The following ZNF804A variants were observed in gnomAD, a reference collection of about 807,000 sequenced individuals.
The protein encoded by ZNF804A is zinc finger protein 804A.
A neutral mutation model predicts 16.5 loss-of-function variants in ZNF804A; 2 were observed. The observed-to-expected ratio is 0.12, with a 90% CI of 0.05 to 0.38. The LOEUF is 0.38. ZNF804A is among the 10% of genes least tolerant of loss of function. The probability of loss-of-function intolerance (pLI) is 0.99; values close to 1 mark genes in which losing one functional copy is unlikely to be tolerated. For synonymous variants in ZNF804A, 534 were observed against 489.6 expected (o/e 1.09, Z -1.20); for missense variants, 1,473 against 1,390.7 (o/e 1.06, Z -0.94).
chr2:184,633,829 G>C lies in ZNF804A; in HGVS notation c.111+34759G>C, dbSNP rs550138888. ...ATTCCCCCAGCCTCCATTGAAATGA[G>C]AGTTTTCTAAGGTCTAAGATCACCC... On this transcript the variant is annotated intron_variant, in intron 1 of 3. Transcript: ENST00000302277. 2.6e-5 allele frequency among the ~76,000 whole-genome samples: 4 copies of C among 152,290 alleles called. No individual in the cohort carries two copies. The East Asian group carries it at 7.7e-4, about 29-fold the overall frequency.
Position 184,830,594 on chromosome 2 carries a change from G to GT in ZNF804A, c.112-35774dup, listed in dbSNP as rs370130030. On this transcript the variant is annotated intron_variant, in intron 1 of 3. Transcript: ENST00000302277. ...AGCAATGATGCTGTGAAATGCTAAC[G>GT]TAAGTATCTGTATTTTAGTAAGCAG... 6.5e-3 allele frequency among the ~76,000 whole-genome samples: 988 copies of GT among 152,118 alleles called. 16 individuals are homozygous for GT. The highest frequency in any genetic ancestry group is 0.022 in the African/African-American group (917 of 41,494).
rs57207733 is a variant in ZNF804A, at chr2:184,783,138, G to GTTTTTTT, written c.112-83212_112-83206dup. On this transcript the variant is annotated intron_variant, in intron 1 of 3. Coordinates refer to ENST00000302277, the MANE Select transcript of ZNF804A (RefSeq NM_194250.2). ...AAAAAAGAATTATATAAAAGAGTGA[G>GTTTTTTT]TTTTTTTTTTTTTTTTTTTTTTTTT... Among the ~76,000 whole-genome samples the GTTTTTTT allele has an allele frequency of 5.8e-4, 50 of 86,092 alleles. 1 individual carries two copies. The highest frequency in any genetic ancestry group is 8.8e-4 in the East Asian group (2 of 2,266). The allele number at this position is 86,092 out of a possible 152,430, so 56.5% of individuals were successfully genotyped here.
chr2:184,922,613 A>G (rs1304776470), intron 2 of ZNF804A, among the ~76,000 whole-genome samples: 2 of 151,794 alleles, frequency 1.3e-5, no homozygotes, highest in African/African-American at 4.8e-5. Flanking sequence ...ATGTGGCCCT[A>G]TTTGTCCATG....
intron 2 of ZNF804A, among the ~76,000 whole-genome samples, chr2:184,921,487 G>C (rs1685528491): frequency 6.6e-6 from 1 of 151,878 alleles, no homozygotes; most frequent in Admixed American, 6.6e-5. Context: ...TTTTTTAATT[G>C]TAATTTTTAT....
At position 184,834,047 on chromosome 2, in the gene ZNF804A, G is replaced by A. The variant is rs377318440; in HGVS notation, c.112-32322G>A. On this transcript the variant is annotated intron_variant, in intron 1 of 3. Coordinates refer to ENST00000302277, the MANE Select transcript of ZNF804A (RefSeq NM_194250.2). ...ATTTTAGCATCTATTAATGATCCTC[G>A]CGTGAATCAATTAATGGTTGTGAGT... 4.1e-4 allele frequency among the ~76,000 whole-genome samples: 62 copies of A among 151,892 alleles called. No individual in the cohort carries two copies. The Middle Eastern group carries it at 0.01, about 25-fold the overall frequency.
chr2:184,834,999 C>T (rs1285208048), intron 1 of ZNF804A, among the ~76,000 whole-genome samples: 1 of 152,132 alleles, frequency 6.6e-6, no homozygotes, highest in Non-Finnish European at 1.5e-5. Context: ...CATGAAAGAT[C>T]AACTGACTAC....
At chr2:184,692,270 GA>G (rs1456682210) in intron 1 of ZNF804A, among the ~76,000 whole-genome samples, 1 of 152,098 alleles carries the variant, frequency 6.6e-6, no homozygotes, top group Non-Finnish European at 1.5e-5. Flanking sequence ...GATTTTATTA[GA>G]AAAACCTGTC....
intron 1 of ZNF804A, among the ~76,000 whole-genome samples, chr2:184,690,212 A>G (rs1013023464): frequency 1.3e-5 from 2 of 151,746 alleles, no homozygotes; most frequent in Admixed American, 1.3e-4. Context: ...AAAGTGATAT[A>G]ATAAAAATGT....
At chr2:184,887,420 A>C (rs760004212) in intron 2 of ZNF804A, among the ~76,000 whole-genome samples, 5 of 152,180 alleles carry the variant, frequency 3.3e-5, no homozygotes, top group Non-Finnish European at 5.9e-5. Context: ...CCTATTACCC[A>C]ATTTCAAAGT....
intron 1 of ZNF804A, among the ~76,000 whole-genome samples, chr2:184,617,488 C>T (rs191085615): frequency 1.3e-4 from 19 of 151,614 alleles, no homozygotes; most frequent in Admixed American, 2.0e-4. Flanking sequence ...AGAACAAATG[C>T]AAGGTGTTTT....
intron 1 of ZNF804A, among the ~76,000 whole-genome samples, chr2:184,696,824 ATAAAT>A (rs2105728920): frequency 6.6e-6 from 1 of 152,182 alleles, no homozygotes; most frequent in South Asian, 2.1e-4. Context: ...AATGGGTTAT[ATAAAT>A]TAAATATGCT....
chr2:184,717,444 C>T (rs929150554), intron 1 of ZNF804A, among the ~76,000 whole-genome samples: 2 of 152,122 alleles, frequency 1.3e-5, no homozygotes, highest in African/African-American at 4.8e-5. Context: ...CTTCCCTTTA[C>T]CCAGTTTTCA....
intron 2 of ZNF804A, among the ~76,000 whole-genome samples, chr2:184,883,806 A>T (rs1192698781): frequency 6.6e-6 from 1 of 152,154 alleles, no homozygotes; most frequent in African/African-American, 2.4e-5. Context: ...ATATTTCAAA[A>T]TAATAAGGGC....
At chr2:184,748,840 G>A (rs185232667) in intron 1 of ZNF804A, among the ~76,000 whole-genome samples, 1 of 151,480 alleles carries the variant, frequency 6.6e-6, no homozygotes, top group East Asian at 1.9e-4. Flanking sequence ...GATTGAATAG[G>A]GAGTCCTTTC....
chr2:184,785,210 G>A (rs1694429561), intron 1 of ZNF804A, among the ~76,000 whole-genome samples: 1 of 151,804 alleles, frequency 6.6e-6, no homozygotes, highest in Non-Finnish European at 1.5e-5. Flanking sequence ...GCTTATTTAA[G>A]TTCATCAGGA....
At chr2:184,925,828 T>C (rs750340421) in intron 2 of ZNF804A, among the ~76,000 whole-genome samples, 1 of 151,964 alleles carries the variant, frequency 6.6e-6, no homozygotes, top group African/African-American at 2.4e-5. Flanking sequence ...CAAGCAAAAA[T>C]AAAACTAATA....
chr2:184,780,161 T>C (rs567427136), intron 1 of ZNF804A, among the ~76,000 whole-genome samples: 1 of 151,706 alleles, frequency 6.6e-6, no homozygotes, highest in Non-Finnish European at 1.5e-5. Context: ...CCCAGTAAAA[T>C]GTTTCCACAC....
chr2:184,608,925 C>T (rs1369004285), intron 1 of ZNF804A, among the ~76,000 whole-genome samples: 3 of 152,144 alleles, frequency 2.0e-5, no homozygotes, highest in Non-Finnish European at 2.9e-5. Context: ...ATAGTGTTTT[C>T]AGGAGAAACA....
intron 1 of ZNF804A, among the ~76,000 whole-genome samples, chr2:184,614,672 A>T (rs1307804063): frequency 6.6e-6 from 1 of 152,202 alleles, no homozygotes; most frequent in Admixed American, 6.5e-5. Flanking sequence ...TAGTAACAGG[A>T]ACTTAAACAA....
Sources: gnomAD v4.1 joint callset for allele counts (sites outside exome capture counted in the v4.1 genomes callset) on GRCh38, gnomAD v4.1.1 for gene constraint, MANE v1.5 for transcripts, NCBI Gene and HGNC (gene_info 2026-07-23, HGNC 2026-07-21) for gene names.